The following ELF1 variants were observed in gnomAD, a reference collection of about 807,000 sequenced individuals.
The protein encoded by ELF1 is ETS-related transcription factor Elf-1.
ELF1 carries 24 observed loss-of-function variants against 59.9 expected under a neutral mutation model. The ratio of observed to expected loss-of-function variants is 0.40; its 90% CI spans 0.29 to 0.56. The LOEUF is 0.56. ELF1 is among the 20% of genes least tolerant of loss of function. The pLI, the probability that ELF1 is intolerant of heterozygous loss-of-function variation, is 0.44. For synonymous variants in ELF1, 248 were observed against 266.2 expected, an observed-to-expected ratio of 0.93 and a Z score of 0.67; for missense variants, 627 against 742.2, an observed-to-expected ratio of 0.84 and a Z score of 1.80.
At chr13:40,941,505 C>T in intron 7 of ELF1, 135 bp from the exon 8 acceptor site, 1 of 792,446 alleles carries the variant, frequency 1.3e-6, no homozygotes, top group East Asian at 2.6e-5. Flanking sequence ...AAATAAAGGG[C>T]TGTTATTTTA....
At chr13:41,036,018 C>T (rs1223201085) in intron 1 of ELF1, among the ~76,000 whole-genome samples, 7 of 151,840 alleles carry the variant, frequency 4.6e-5, no homozygotes, top group Admixed American at 2.0e-4. Context: ...CATTCTCCTG[C>T]CTCAGCCTCC....
At chr13:40,962,679 C>CAAAA (rs542393144) in intron 2 of ELF1, among the ~76,000 whole-genome samples, 1 of 69,220 alleles carries the variant, frequency 1.4e-5, no homozygotes. Context: ...AAGACTGTCT[C>CAAAA]AAAAAAAAAA....
At chr13:41,019,319 G>T (rs1398170195), upstream of ELF1, 3 of 985,298 alleles carry the variant, frequency 3.0e-6, no homozygotes, top group Non-Finnish European at 3.6e-6. Context: ...TGTAGATTGG[G>T]GAAGTGGTGT....
At chr13:41,045,615 G>A (rs1163007144) in intron 1 of ELF1, among the ~76,000 whole-genome samples, 1 of 152,208 alleles carries the variant, frequency 6.6e-6, no homozygotes, top group African/African-American at 2.4e-5. Context: ...TTAATCCTGA[G>A]TTCTATTGAT....
chr13:40,969,213 C>T (rs563718083), intron 2 of ELF1, among the ~76,000 whole-genome samples: 5 of 152,212 alleles, frequency 3.3e-5, no homozygotes, highest in African/African-American at 4.8e-5. Flanking sequence ...AGTAAAAAAT[C>T]GCACTAATCC....
chr13:41,001,336 C>T (rs1367530232), intron 1 of ELF1, among the ~76,000 whole-genome samples: 1 of 151,870 alleles, frequency 6.6e-6, no homozygotes. Flanking sequence ...GCTTGTAATC[C>T]CAACACCTTG....
At chr13:41,061,230 C>A (rs923100754) in exon 1 of ELF1, 2 of 231,388 alleles carry the variant, frequency 8.6e-6, no homozygotes, top group Non-Finnish European at 1.8e-5. Context: ...GCGTTCCGGG[C>A]GGAGGCGGCG....
At chr13:41,013,078 C>G (rs2138370465) in intron 1 of ELF1, among the ~76,000 whole-genome samples, 1 of 152,074 alleles carries the variant, frequency 6.6e-6, no homozygotes, top group African/African-American at 2.4e-5. Context: ...TACAGCTTAC[C>G]CTGAAATGCA....
At chr13:40,970,695 G>A (rs996582681) in intron 2 of ELF1, among the ~76,000 whole-genome samples, 5 of 152,102 alleles carry the variant, frequency 3.3e-5, no homozygotes, top group Non-Finnish European at 7.4e-5. Context: ...ACTTCCCAAT[G>A]GCGTTTGTTC....
chr13:41,009,980 GT>G (rs1437877060), intron 1 of ELF1, among the ~76,000 whole-genome samples: 2 of 148,590 alleles, frequency 1.3e-5, no homozygotes, highest in African/African-American at 5.0e-5. Context: ...ATCAATATAT[GT>G]TTTTTACTTA....
intron 2 of ELF1, among the ~76,000 whole-genome samples, chr13:40,966,801 T>C (rs1310625662): frequency 6.6e-6 from 1 of 152,202 alleles, no homozygotes; most frequent in Non-Finnish European, 1.5e-5. Flanking sequence ...TAGCTTAAAA[T>C]GAAATACCTA....
chr13:41,038,899 C>A (rs1310618161), intron 1 of ELF1, among the ~76,000 whole-genome samples: 1 of 150,986 alleles, frequency 6.6e-6, no homozygotes, highest in African/African-American at 2.4e-5. Flanking sequence ...ACCTGTAATC[C>A]CAGCTACTTG....
chr13:40,985,936 T>C (rs375413549), intron 1 of ELF1, among the ~76,000 whole-genome samples: 5 of 152,314 alleles, frequency 3.3e-5, no homozygotes, highest in African/African-American at 7.2e-5. Context: ...TAAGTGAAAC[T>C]ACTTCTTCAT....
chr13:41,018,764 T>G (rs1365304596), intron 1 of ELF1, among the ~76,000 whole-genome samples: 1 of 151,886 alleles, frequency 6.6e-6, no homozygotes, highest in Non-Finnish European at 1.5e-5. Context: ...TATGGCTGAG[T>G]TGTCCCAAAA....
In ELF1 at chr13:40,987,600, A is replaced by AAAAAAAAAAG. The variant is rs1566181502; in HGVS notation, c.-228-5319_-228-5318insCTTTTTTTTT. Reference sequence around the variant, plus strand: ...ACTCTGTCTCAAAAAAAAAAAAAAAAAAAAGAAAGAAAATTAATAAAGAGA... The same window carrying AAAAAAAAAAG: ...ACTCTGTCTCAAAAAAAAAAAAAAAAAAAAAAAAAGAAAAGAAAGAAAATTAATAAAGAGA... On this transcript the variant is annotated intron_variant, in intron 1 of 8. Coordinates refer to ENST00000239882, the MANE Select transcript of ELF1 (RefSeq NM_172373.4). 2.8e-5 allele frequency among the ~76,000 whole-genome samples: 4 copies of AAAAAAAAAAG among 143,650 alleles called. 1 individual carries two copies. Among genetic ancestry groups the AAAAAAAAAAG allele is most frequent in the Non-Finnish European group, 4.5e-5 (3 of 66,040 alleles). 94.2% of individuals were successfully genotyped at this position (143,650 alleles called of 152,430 possible). A position where few individuals can be genotyped will look rare whatever the true frequency, so the allele number is the denominator to read the frequency against.
chr13:40,962,867 C>T lies in ELF1; in HGVS notation c.73-3851G>A, dbSNP rs148680951. On this transcript the variant is annotated intron_variant, in intron 2 of 8. Transcript: ENST00000239882. Reference sequence around the variant, plus strand: ...GAAGAGCACCAGTTGATCCTACAGGCCCTTCCAGGTTTTGCTTTGTTAATA... The same window carrying T: ...GAAGAGCACCAGTTGATCCTACAGGTCCTTCCAGGTTTTGCTTTGTTAATA... Among the ~76,000 whole-genome samples the T allele has an allele frequency of 5.7e-3, 872 of 152,212 alleles. 8 individuals carry two copies. Among genetic ancestry groups the T allele is most frequent in the South Asian group, 0.014 (68 of 4,818 alleles).
chr13:40,937,115 CTT>C (rs928908220), intron 8 of ELF1, among the ~76,000 whole-genome samples: 2 of 152,180 alleles, frequency 1.3e-5, no homozygotes, highest in African/African-American at 2.4e-5. Context: ...ATTATTAAGT[CTT>C]TGCCAACCAC....
At chr13:40,942,547 G>A (rs762215339) in intron 7 of ELF1, among the ~76,000 whole-genome samples, 1 of 151,840 alleles carries the variant, frequency 6.6e-6, no homozygotes, top group Non-Finnish European at 1.5e-5. Flanking sequence ...TTGAGACAGG[G>A]TCTCACTCCA....
chr13:41,048,333 T>G (rs900462934), intron 1 of ELF1, among the ~76,000 whole-genome samples: 1 of 152,196 alleles, frequency 6.6e-6, no homozygotes, highest in Admixed American at 6.5e-5. Context: ...GTACCTCAGT[T>G]GGAAATGCAG....
Sources: gnomAD v4.1 joint callset for allele counts (sites outside exome capture counted in the v4.1 genomes callset) on GRCh38, gnomAD v4.1.1 for gene constraint, MANE v1.5 for transcripts, NCBI Gene and HGNC (gene_info 2026-07-23, HGNC 2026-07-21) for gene names.